The following FBN1 variants were observed in gnomAD, a reference collection of about 807,000 sequenced individuals.
FBN1 encodes fibrillin-1.
In FBN1, 29 loss-of-function variants were observed where a neutral mutation model predicts 365.1. That is an observed-to-expected ratio of 0.08 (90% CI 0.06 to 0.11). The LOEUF (loss-of-function observed/expected upper bound fraction) is 0.11. FBN1 is among the 10% of genes least tolerant of loss of function. The probability of loss-of-function intolerance (pLI) is 1.00; values close to 1 mark genes in which losing one functional copy is unlikely to be tolerated. For synonymous variants in FBN1, 1,210 were observed against 1,270.5 expected, an observed-to-expected ratio of 0.95 and a Z score of 1.01; for missense variants, 2,476 against 3,703.2, an observed-to-expected ratio of 0.67 and a Z score of 8.60.
At chr15:48,606,742 G>T (rs2044614783) in intron 4 of FBN1, among the ~76,000 whole-genome samples, 2 of 152,322 alleles carry the variant, frequency 1.3e-5, no homozygotes, top group South Asian at 4.1e-4. Flanking sequence ...ACTAAATAAA[G>T]AATACCCAGG....
intron 5 of FBN1, among the ~76,000 whole-genome samples, chr15:48,597,853 G>A (rs2044527767): frequency 6.6e-6 from 1 of 152,216 alleles, no homozygotes; most frequent in Non-Finnish European, 1.5e-5. Context: ...TTACAGATGA[G>A]GAAGCTGAAG....
chr15:48,600,653 G>A (rs901629737), intron 4 of FBN1, among the ~76,000 whole-genome samples: 12 of 152,254 alleles, frequency 7.9e-5, no homozygotes, highest in Non-Finnish European at 2.9e-5. Flanking sequence ...TGTAGTGAGC[G>A]GAGATCGCAC....
rs1313110067 is a variant in FBN1 at position 48,468,093 on chromosome 15, G to C, written c.4592C>G (p.Ser1531Cys). ...PTRVGCVDTR[S>C]GNCYLDIRPR... ...TCGAATATCCAAATAGCAATTTCCA[G>C]AGCGGGTATCTATTTACCATATACA... Residue 1531 changes from serine (S) to cysteine (C), a missense_variant, in exon 38 of 66, where the codon TCT (serine) becomes TGT (cysteine). Coordinates refer to ENST00000316623, the MANE Select transcript of FBN1 (RefSeq NM_000138.5). 6.2e-7 allele frequency: 1 copy of C among 1,613,972 alleles called. No individual in the cohort carries two copies. The highest frequency in any genetic ancestry group is 1.3e-5 in the African/African-American group (1 of 74,880).
At chr15:48,609,056 C>T (rs2044636444) in intron 4 of FBN1, among the ~76,000 whole-genome samples, 1 of 152,210 alleles carries the variant, frequency 6.6e-6, no homozygotes, top group Non-Finnish European at 1.5e-5. Flanking sequence ...AACTGCACTT[C>T]TTTTCCAACC....
At chr15:48,477,216 T>C (rs989293847) in intron 32 of FBN1, among the ~76,000 whole-genome samples, 2 of 152,222 alleles carry the variant, frequency 1.3e-5, no homozygotes, top group Non-Finnish European at 2.9e-5. Context: ...TTCTTTTTAA[T>C]GGAAAGTCTC....
intron 6 of FBN1, among the ~76,000 whole-genome samples, chr15:48,582,345 T>C (rs1010765392): frequency 2.0e-5 from 3 of 152,232 alleles, no homozygotes; most frequent in African/African-American, 4.8e-5. Context: ...CAAAGACCCA[T>C]GTTTCATTCT....
intron 13 of FBN1, among the ~76,000 whole-genome samples, chr15:48,511,297 T>A (rs1435754424): frequency 6.6e-6 from 1 of 152,160 alleles, no homozygotes; most frequent in Non-Finnish European, 1.5e-5. Context: ...GGGCTTTTCT[T>A]CTGTCTGATC....
intron 6 of FBN1, among the ~76,000 whole-genome samples, chr15:48,580,726 A>G (rs1432104779): frequency 1.3e-5 from 2 of 152,212 alleles, no homozygotes; most frequent in African/African-American, 2.4e-5. Context: ...AACTGATAGT[A>G]CATTAATCCA....
chr15:48,466,515 A>C (rs2043323450), intron 38 of FBN1, among the ~76,000 whole-genome samples: 1 of 152,250 alleles, frequency 6.6e-6, no homozygotes, highest in African/African-American at 2.4e-5. Context: ...TGATATGTAC[A>C]GGACATGTGA....
At chr15:48,431,070 C>T (rs944281409) in intron 55 of FBN1, among the ~76,000 whole-genome samples, 5 of 151,858 alleles carry the variant, frequency 3.3e-5, no homozygotes, top group East Asian at 1.9e-4. Flanking sequence ...TCTCTCTTCT[C>T]CTTCCCTTAT....
At chr15:48,615,856 C>G (rs1889641035) in intron 2 of FBN1, among the ~76,000 whole-genome samples, 1 of 152,234 alleles carries the variant, frequency 6.6e-6, no homozygotes, top group East Asian at 1.9e-4. Context: ...TACAGAGGTA[C>G]AAACATGGTA....
chr15:48,616,246 T>A (rs183780428), intron 2 of FBN1, among the ~76,000 whole-genome samples: 10 of 152,238 alleles, frequency 6.6e-5, no homozygotes, highest in Non-Finnish European at 1.5e-4. Flanking sequence ...ACAAGTAACA[T>A]GTTATTTAAT....
At chr15:48,452,446 T>C (rs1010084454) in intron 45 of FBN1, 116 bp downstream of exon 45, 2 of 1,270,614 alleles carry the variant, frequency 1.6e-6, no homozygotes, top group African/African-American at 2.9e-5. Flanking sequence ...TTCATCAATC[T>C]AAATCTTAAC....
intron 30 of FBN1, 151 bp from the exon 31 acceptor site, chr15:48,484,094 C>A: frequency 1.3e-6 from 1 of 796,010 alleles, no homozygotes; most frequent in South Asian, 1.6e-5. Flanking sequence ...ATAAACTAGC[C>A]CATTGGGTTA....
chr15:48,567,998 T>TAAGAAAGA (rs55984910), intron 6 of FBN1, among the ~76,000 whole-genome samples: 8,582 of 56,348 alleles, frequency 0.15, 1,021 homozygotes, highest in South Asian at 0.2. Flanking sequence ...AGTATACAGA[T>TAAGAAAGA]AAGAAAGAAA....
intron 46 of FBN1, among the ~76,000 whole-genome samples, chr15:48,448,183 TC>T (rs2043173424): frequency 6.7e-6 from 1 of 150,068 alleles, no homozygotes; most frequent in African/African-American, 2.5e-5. Flanking sequence ...GTTCTTAATG[TC>T]CCAAAAAGAC....
At chr15:48,585,728 C>T (rs2140694882) in intron 6 of FBN1, among the ~76,000 whole-genome samples, 1 of 152,288 alleles carries the variant, frequency 6.6e-6, no homozygotes, top group South Asian at 2.1e-4. Flanking sequence ...GACTGAAAGA[C>T]TATACATAAA....
In FBN1 at chr15:48,520,778, C is replaced by T. The variant is rs781690390; in HGVS notation, c.1028G>A (p.Gly343Glu). The part of the protein sequence containing the change: ...PGYCYTALTN[G>E]RCSNQLPQSI... ...CTGTGGCAGCTGGTTAGAGCAGCGC[C>T]CGTTTGTCAGAGCTGTGTAACAGTA... Residue 343 changes from glycine to glutamate, a missense_variant, in exon 10 of 66, where the codon GGG becomes GAG. Gly to Glu is a moderately conservative substitution (Grantham distance 98). Coordinates refer to ENST00000316623, the MANE Select transcript of FBN1 (RefSeq NM_000138.5). 2.5e-6 allele frequency: 4 copies of T among 1,614,162 alleles called. No homozygotes were observed. In the South Asian group the frequency reaches 4.4e-5, roughly 18 times the overall value.
At chr15:48,493,389 C>T (rs929517567) in intron 23 of FBN1, among the ~76,000 whole-genome samples, 2 of 152,156 alleles carry the variant, frequency 1.3e-5, no homozygotes, top group Admixed American at 6.5e-5. Context: ...AAATAACTTT[C>T]CACAACAGGA....
Sources: allele counts gnomAD v4.1 joint callset (sites outside exome capture counted in the v4.1 genomes callset), GRCh38; gene constraint gnomAD v4.1.1; transcripts MANE v1.5; gene names NCBI Gene and HGNC (gene_info 2026-07-23, HGNC 2026-07-21).